Variants in MAN1B1 observed in about 807,000 individuals in gnomAD.
MAN1B1 encodes the protein mannosidase alpha class 1B member 1, also known as endoplasmic reticulum mannosyl-oligosaccharide 1,2-alpha-mannosidase.
In MAN1B1, 66 loss-of-function variants were observed where a neutral mutation model predicts 75.5. The ratio of observed to expected loss-of-function variants is 0.87; its 90% CI spans 0.72 to 1.07. MAN1B1 has a LOEUF of 1.07. Ranked by LOEUF, MAN1B1 falls within the 50% of genes least tolerant of loss-of-function variation. The pLI is 0.00. For missense variants in MAN1B1, 973 were observed against 912.5 expected (o/e 1.07, Z -0.85); for synonymous variants, 453 against 382.8 (o/e 1.18, Z -2.14).
intron 6 of MAN1B1, 139 bp downstream of exon 6, chr9:137,100,020 G>A: frequency 1.0e-6 from 1 of 994,108 alleles, no homozygotes; most frequent in South Asian, 1.4e-5. Flanking sequence ...TGCGGGAGTG[G>A]ACGTGTTGGC....
chr9:137,087,602 T>C, intron 1 of MAN1B1: 3 of 464,548 alleles, frequency 6.5e-6, no homozygotes, highest in Non-Finnish European at 1.2e-5. Context: ...GATTGGCTCC[T>C]GGTCTGTTCG....
intron 1 of MAN1B1, 40 bp downstream of exon 1, chr9:137,087,258 G>A: frequency 1.9e-6 from 3 of 1,544,278 alleles, no homozygotes; most frequent in South Asian, 1.2e-5. Flanking sequence ...CGGGGCTGCC[G>A]TGCCCGCCGC....
chr9:137,090,626 G>T (rs570178725), intron 3 of MAN1B1, among the ~76,000 whole-genome samples: 2 of 151,652 alleles, frequency 1.3e-5, no homozygotes, highest in African/African-American at 2.4e-5. Context: ...TGCAACCTCC[G>T]CCTCCCGGGT....
chr9:137,107,770 C>T, intron 12 of MAN1B1, 108 bp downstream of exon 12: 2 of 1,538,910 alleles, frequency 1.3e-6, no homozygotes, highest in Non-Finnish European at 1.8e-6. Flanking sequence ...TGACCTGGAT[C>T]CGGGAGGGGC....
At position 137,108,687 on chromosome 9, in the gene MAN1B1, C is replaced by A; in HGVS notation, c.*96C>A. ...GGGCCCACGTAGCACCGGCAACCGC[C>A]AAGTGGCCCAGGCTCTGAACTGGCT... On this transcript the variant is annotated 3_prime_UTR_variant, in exon 13 of 13. Transcript: ENST00000371589. 8.6e-7 allele frequency: 1 copy of A among 1,161,152 alleles called. No homozygotes were observed. The highest frequency in any genetic ancestry group is 1.3e-6 in the Non-Finnish European group (1 of 774,344). 71.9% of individuals were successfully genotyped at this position (1,161,152 alleles called of 1,614,324 possible).
At chr9:137,090,205 T>C (rs1458564484) in intron 3 of MAN1B1, among the ~76,000 whole-genome samples, 2 of 152,124 alleles carry the variant, frequency 1.3e-5, no homozygotes, top group Non-Finnish European at 2.9e-5. Context: ...GTGCTGACTC[T>C]GGTGTGGCTG....
rs1348656681 is a variant in MAN1B1 at position 137,101,840 on chromosome 9, GTGT to G, written c.1254+170_1254+172del. ...TAACCATTTCCAGGCGTGGTCGGTG[GTGT>G]TACATTCACGCTGTTGCAGGCGTGC... is the stretch of plus-strand genomic sequence containing the variant. On this transcript the variant is annotated intron_variant, in intron 8 of 12. Coordinates refer to ENST00000371589, the MANE Select transcript of MAN1B1 (RefSeq NM_016219.5). The G allele has an allele frequency of 1.2e-5, 10 of 867,332 alleles. No individual in the cohort carries two copies. The Admixed American group carries it at 1.4e-4, about 12-fold the overall frequency. 53.7% of individuals were successfully genotyped at this position (867,332 alleles called of 1,614,324 possible).
chr9:137,101,873 C>T (rs201699666), intron 8 of MAN1B1: 872 of 728,018 alleles, frequency 1.2e-3, no homozygotes, highest in Non-Finnish European at 1.7e-3. Context: ...GCGTGCAGGT[C>T]GGTGGTGTTA....
At chr9:137,108,073 C>G (rs1831182522) in intron 12 of MAN1B1, 1 of 606,612 alleles carries the variant, frequency 1.6e-6, no homozygotes, top group South Asian at 2.0e-5. Flanking sequence ...GTGATCTTGG[C>G]CTGAGGCCCC....
chr9:137,108,597 A>G lies in MAN1B1; in HGVS notation c.*6A>G. The G allele has an allele frequency of 1.2e-6, 2 of 1,613,434 alleles. No individual in the cohort carries two copies. Among genetic ancestry groups the G allele is most frequent in the African/African-American group, 1.3e-5 (1 of 75,020 alleles). On this transcript the variant is annotated 3_prime_UTR_variant, in exon 13 of 13. Coordinates refer to ENST00000371589, the MANE Select transcript of MAN1B1 (RefSeq NM_016219.5). ...CTATCTGGACCCCTGCCTAGGGTGG[A>G]TGGCTGCTGGTGTGGGGACTTCGGG...
chr9:137,092,584 T>G (rs1051713625), intron 3 of MAN1B1, among the ~76,000 whole-genome samples: 1 of 152,238 alleles, frequency 6.6e-6, no homozygotes, highest in African/African-American at 2.4e-5. Flanking sequence ...TCTTTCTTCA[T>G]TTGTAAATGT....
intron 5 of MAN1B1, among the ~76,000 whole-genome samples, chr9:137,098,219 G>A (rs944976320): frequency 1.2e-4 from 19 of 152,242 alleles, no homozygotes; most frequent in African/African-American, 3.6e-4. Flanking sequence ...ACTGCTGCCC[G>A]TGCTGTGTCC....
chr9:137,105,816 C>T (rs1174692607), intron 8 of MAN1B1: 1 of 552,198 alleles, frequency 1.8e-6, no homozygotes, highest in Admixed American at 2.3e-5. Flanking sequence ...GAGGACAGTG[C>T]CTGTGGTTGT....
At position 137,101,588 on chromosome 9, in the gene MAN1B1, C is replaced by A. The variant is rs571240912; in HGVS notation, c.1170C>A (p.Thr390=). The stretch of plus-strand genomic sequence containing the variant: ...GAGTTGCCCACCCGCCACGGTGGAC[C>A]TCCGACAGCACTGTGGCCGAGGTGA... ...GTGVAHPPRW[T]SDSTVAEVTS... Residue 390 remains threonine (T), a synonymous_variant, in exon 8 of 13, where the codon ACC becomes ACA. Transcript: ENST00000371589. The A allele has an allele frequency of 1.4e-5, 22 of 1,613,886 alleles. No individual in the cohort carries two copies. In the East Asian group the frequency reaches 4.7e-4, roughly 34 times the overall value.
chr9:137,105,784 G>T, intron 8 of MAN1B1: 2 of 474,368 alleles, frequency 4.2e-6, no homozygotes, highest in South Asian at 3.3e-5. Context: ...ATGGCTGACG[G>T]CCAGGCCTGG....
chr9:137,091,588 G>A (rs1216230634), intron 3 of MAN1B1, among the ~76,000 whole-genome samples: 1 of 139,496 alleles, frequency 7.2e-6, no homozygotes, highest in Admixed American at 7.8e-5. Context: ...GTGCAGTAGC[G>A]CAATCTCAGG....
At position 137,104,469 on chromosome 9, in the gene MAN1B1, G is replaced by A. The variant is rs187147579; in HGVS notation, c.1255-1656G>A. ...AGACTGGTCTCAAACTCCTGACCTCGTGATCCACCCGCCTGGGCCTCCCAC... is the reference window on the plus strand; with the variant it reads ...AGACTGGTCTCAAACTCCTGACCTCATGATCCACCCGCCTGGGCCTCCCAC... On this transcript the variant is annotated intron_variant, in intron 8 of 12. Coordinates refer to ENST00000371589, the MANE Select transcript of MAN1B1 (RefSeq NM_016219.5). The A allele has an allele frequency of 8.8e-4, 223 of 253,664 alleles. 1 individual carries two copies. In the East Asian group the frequency reaches 0.016, roughly 18 times the overall value. The allele number at this position is 253,664 out of a possible 1,614,324, so 15.7% of individuals were successfully genotyped here. A position where few individuals can be genotyped will look rare whatever the true frequency, so the allele number is the denominator to read the frequency against.
intron 5 of MAN1B1, among the ~76,000 whole-genome samples, 200 bp from the exon 6 acceptor site, chr9:137,099,496 C>A (rs1830746355): frequency 6.6e-6 from 1 of 152,254 alleles, no homozygotes; most frequent in Non-Finnish European, 1.5e-5. Context: ...AGGCCCTTGG[C>A]AGGCTGTGTT....
chr9:137,106,923 C>A, intron 10 of MAN1B1, 114 bp downstream of exon 10: 1 of 1,436,474 alleles, frequency 7.0e-7, no homozygotes, highest in Non-Finnish European at 9.4e-7. Context: ...CACGTGGAGG[C>A]CCTGGGTGGA....
Sources: allele counts gnomAD v4.1 joint callset (sites outside exome capture counted in the v4.1 genomes callset), GRCh38; gene constraint gnomAD v4.1.1; transcripts MANE v1.5; gene names NCBI Gene and HGNC (gene_info 2026-07-23, HGNC 2026-07-21).